Variants in MAP3K5 observed in about 807,000 individuals in gnomAD.
MAP3K5 encodes the protein mitogen-activated protein kinase kinase kinase 5.
In MAP3K5, 56 loss-of-function variants were observed where a neutral mutation model predicts 158.7. That is an observed-to-expected ratio of 0.35 (90% CI 0.28 to 0.44). The LOEUF is 0.44. Ranked by LOEUF, MAP3K5 falls within the 20% of genes least tolerant of loss-of-function variation. MAP3K5 has a pLI of 1.00. For missense variants in MAP3K5, 1,294 were observed against 1,674.8 expected (o/e 0.77, Z 3.97); for synonymous variants, 579 against 601.7 (o/e 0.96, Z 0.55).
chr6:136,566,315 C>T (rs778356479), intron 26 of MAP3K5, among the ~76,000 whole-genome samples: 6 of 152,202 alleles, frequency 3.9e-5, no homozygotes, highest in Non-Finnish European at 5.9e-5. Flanking sequence ...AGTAGTTTTA[C>T]TATCTGCGTA....
At chr6:136,561,025 A>G (rs912726216) in intron 28 of MAP3K5, among the ~76,000 whole-genome samples, 2 of 151,862 alleles carry the variant, frequency 1.3e-5, no homozygotes, top group Non-Finnish European at 2.9e-5. Flanking sequence ...AGAAACAAGA[A>G]ATTTTTTCTT....
chr6:136,742,295 G>A (rs1301422687), intron 1 of MAP3K5, among the ~76,000 whole-genome samples: 5 of 151,942 alleles, frequency 3.3e-5, no homozygotes, highest in East Asian at 3.9e-4. Context: ...ATAGATCAAC[G>A]GAACAGAATA....
At chr6:136,664,312 GGGA>G (rs1261517199) in intron 8 of MAP3K5, among the ~76,000 whole-genome samples, 1 of 151,970 alleles carries the variant, frequency 6.6e-6, no homozygotes, top group African/African-American at 2.4e-5. Context: ...TCTAGTTGCA[GGGA>G]AACAAGCTCA....
At chr6:136,757,526 GAGA>G (rs1273649275) in intron 1 of MAP3K5, among the ~76,000 whole-genome samples, 3 of 151,582 alleles carry the variant, frequency 2.0e-5, no homozygotes, top group African/African-American at 7.3e-5. Context: ...TTGGAAATAT[GAGA>G]AGATCAACAG....
intron 7 of MAP3K5, among the ~76,000 whole-genome samples, chr6:136,678,061 T>G (rs1305601340): frequency 6.6e-6 from 1 of 152,226 alleles, no homozygotes; most frequent in East Asian, 1.9e-4. Context: ...CTGGATTCCA[T>G]AAGCCTAGGC....
chr6:136,656,479 A>G lies in MAP3K5; in HGVS notation c.1527-19T>C. On this transcript the variant is annotated intron_variant, in intron 9 of 29. Coordinates refer to ENST00000359015, the MANE Select transcript of MAP3K5 (RefSeq NM_005923.4). ...GAGGTACCTGAGAAGGAAAAGATAT[A>G]AAACATGTAACAGACAAATTTAGAA... The G allele has an allele frequency of 2.6e-6, 4 of 1,516,068 alleles. No homozygotes were observed. Among genetic ancestry groups the G allele is most frequent in the African/African-American group, 2.8e-5 (2 of 71,520 alleles). The allele number at this position is 1,516,068 out of a possible 1,614,324, so 93.9% of individuals were successfully genotyped here. A position where few individuals can be genotyped will look rare whatever the true frequency, so the allele number is the denominator to read the frequency against.
chr6:136,666,523 G>A (rs1037258512), intron 8 of MAP3K5, among the ~76,000 whole-genome samples: 1 of 152,120 alleles, frequency 6.6e-6, no homozygotes, highest in Non-Finnish European at 1.5e-5. Context: ...GCTGATTGGA[G>A]CATTTAAAGA....
chr6:136,665,273 A>C (rs571860705), intron 8 of MAP3K5, among the ~76,000 whole-genome samples: 28 of 152,154 alleles, frequency 1.8e-4, no homozygotes, highest in Non-Finnish European at 4.0e-4. Flanking sequence ...ATTAACTATA[A>C]TAGTGTACTT....
chr6:136,714,966 C>A (rs749918817), intron 2 of MAP3K5, among the ~76,000 whole-genome samples: 1 of 152,076 alleles, frequency 6.6e-6, no homozygotes, highest in African/African-American at 2.4e-5. Context: ...AAGGAGTAAG[C>A]GTGTAGACAG....
chr6:136,791,849 C>T lies in MAP3K5; in HGVS notation c.309G>A (p.Gly103=). 6.2e-7 allele frequency: 1 copy of T among 1,613,870 alleles called. No homozygotes were observed. Among genetic ancestry groups the T allele is most frequent in the Non-Finnish European group, 8.5e-7 (1 of 1,180,024 alleles). The part of the protein sequence containing the change: ...VAYVINEASQ[G]QLVVAESEAL... ...CCTCGCTCTCGGCCACCACCAGTTGCCCTTGGCTCGCTTCGTTGATCACAT... is the reference window on the plus strand; with the variant it reads ...CCTCGCTCTCGGCCACCACCAGTTGTCCTTGGCTCGCTTCGTTGATCACAT... Residue 103 remains glycine, a synonymous_variant, in exon 1 of 30, where the codon GGG becomes GGA. Transcript: ENST00000359015.
At chr6:136,776,934 A>C (rs1784424165) in intron 1 of MAP3K5, among the ~76,000 whole-genome samples, 1 of 152,232 alleles carries the variant, frequency 6.6e-6, no homozygotes, top group African/African-American at 2.4e-5. Context: ...CTCATATGTC[A>C]TATTTAATGG....
chr6:136,732,856 G>A (rs897075738), intron 1 of MAP3K5, among the ~76,000 whole-genome samples: 8 of 152,138 alleles, frequency 5.3e-5, no homozygotes, highest in Non-Finnish European at 1.2e-4. Flanking sequence ...TGAAAAGAGG[G>A]AAGATCTAGA....
At chr6:136,681,876 G>T (rs2114597331) in intron 7 of MAP3K5, among the ~76,000 whole-genome samples, 1 of 152,068 alleles carries the variant, frequency 6.6e-6, no homozygotes, top group African/African-American at 2.4e-5. Flanking sequence ...CCAAGATCGT[G>T]CCATTGCACT....
chr6:136,791,670 G>A (rs372268484), intron 1 of MAP3K5, 40 bp downstream of exon 1: 5 of 1,602,182 alleles, frequency 3.1e-6, no homozygotes, highest in Non-Finnish European at 4.3e-6. Flanking sequence ...TTAAACGCGG[G>A]TCCCGACCGC....
chr6:136,657,975 T>C (rs919075494), intron 9 of MAP3K5, among the ~76,000 whole-genome samples: 20 of 152,202 alleles, frequency 1.3e-4, no homozygotes, highest in African/African-American at 4.8e-4. Context: ...TTAAACTATA[T>C]TGATTTAAGG....
At chr6:136,626,171 G>A (rs1289903038) in intron 14 of MAP3K5, among the ~76,000 whole-genome samples, 1 of 152,200 alleles carries the variant, frequency 6.6e-6, no homozygotes. Context: ...CCAGCTCCAG[G>A]TTATTTGTTT....
chr6:136,699,910 A>AT, intron 3 of MAP3K5, among the ~76,000 whole-genome samples: 1 of 152,152 alleles, frequency 6.6e-6, no homozygotes, highest in South Asian at 2.1e-4. Flanking sequence ...CCTGGCCAAT[A>AT]TGGTGAAACC....
chr6:136,786,314 G>A (rs1329384495), intron 1 of MAP3K5, among the ~76,000 whole-genome samples: 1 of 151,076 alleles, frequency 6.6e-6, no homozygotes, highest in African/African-American at 2.4e-5. Context: ...AGGAAGCAGA[G>A]GTTGCAGTGA....
intron 24 of MAP3K5, among the ~76,000 whole-genome samples, chr6:136,583,154 AT>A (rs1229383286): frequency 6.6e-6 from 1 of 152,222 alleles, no homozygotes; most frequent in Admixed American, 6.5e-5. Flanking sequence ...AGCAGTGACC[AT>A]TTCAATCTGT....
Sources: allele counts gnomAD v4.1 joint callset (sites outside exome capture counted in the v4.1 genomes callset), GRCh38; gene constraint gnomAD v4.1.1; transcripts MANE v1.5; gene names NCBI Gene and HGNC (gene_info 2026-07-23, HGNC 2026-07-21).